Variants in ASB3 observed in about 807,000 individuals in gnomAD.
ASB3 encodes the protein ankyrin repeat and SOCS box protein 3.
In ASB3, 41 loss-of-function variants were observed where a neutral mutation model predicts 54.5. The observed-to-expected ratio is 0.75, with a 90% confidence interval of 0.59 to 0.98. The LOEUF is 0.98. Among genes scored for constraint, ASB3 ranks in the 50% least tolerant of loss-of-function variants. The pLI is 0.00. For missense variants in ASB3, 733 were observed against 620.0 expected (o/e 1.18, Z -1.94); for synonymous variants, 266 against 221.2 (o/e 1.20, Z -1.80).
At chr2:53,738,732 G>A (rs1022698911) in intron 3 of ASB3, among the ~76,000 whole-genome samples, 3 of 152,204 alleles carry the variant, frequency 2.0e-5, no homozygotes, top group African/African-American at 7.2e-5. Flanking sequence ...AAGATAAGGT[G>A]TAATTCTAGA....
intron 7 of ASB3, among the ~76,000 whole-genome samples, chr2:53,704,888 A>C (rs765297295): frequency 6.6e-6 from 1 of 152,164 alleles, no homozygotes; most frequent in Non-Finnish European, 1.5e-5. Flanking sequence ...AAACTCTCTA[A>C]TAAAGAACTC....
intron 9 of ASB3, among the ~76,000 whole-genome samples, chr2:53,690,415 T>C (rs1055324781): frequency 6.6e-6 from 1 of 152,176 alleles, no homozygotes; most frequent in African/African-American, 2.4e-5. Context: ...CACACTGTAA[T>C]GACTACGTAG....
In ASB3 at chr2:53,731,017, C is replaced by G. The variant is rs536119300; in HGVS notation, c.356-1447G>C. Among the ~76,000 whole-genome samples, 5 of 152,264 alleles carry G rather than the reference C, an allele frequency of 3.3e-5. No homozygotes were observed. The East Asian group carries it at 9.6e-4, about 29-fold the overall frequency. On this transcript the variant is annotated intron_variant, in intron 3 of 9. Coordinates refer to ENST00000263634, the MANE Select transcript of ASB3 (RefSeq NM_016115.5). ...TGATAAGCGTGCTTATTACTGAAGA[C>G]AAGTAACATGCCATTGATATTGTAC...
chr2:53,726,689 T>A (rs145624599), intron 5 of ASB3, among the ~76,000 whole-genome samples: 1 of 151,508 alleles, frequency 6.6e-6, no homozygotes, highest in Non-Finnish European at 1.5e-5. Context: ...CATATATATA[T>A]ATAGTTTTGT....
At chr2:53,734,143 A>G (rs1671482875) in intron 3 of ASB3, among the ~76,000 whole-genome samples, 2 of 152,244 alleles carry the variant, frequency 1.3e-5, no homozygotes, top group Middle Eastern at 3.4e-3. Flanking sequence ...CATCACAAAC[A>G]TGTCACAGTG....
At chr2:53,733,688 C>T (rs1379218731) in intron 3 of ASB3, among the ~76,000 whole-genome samples, 1 of 152,102 alleles carries the variant, frequency 6.6e-6, no homozygotes, top group East Asian at 1.9e-4. Context: ...ATAATCCGCC[C>T]ACCTTGGCCT....
intron 7 of ASB3, among the ~76,000 whole-genome samples, chr2:53,709,410 C>T (rs1298252059): frequency 6.6e-6 from 1 of 152,178 alleles, no homozygotes; most frequent in Non-Finnish European, 1.5e-5. Flanking sequence ...AGCCTAGATG[C>T]CCAGCATAAA....
intron 9 of ASB3, among the ~76,000 whole-genome samples, chr2:53,674,813 T>C (rs1667993276): frequency 6.6e-6 from 1 of 152,130 alleles, no homozygotes; most frequent in Admixed American, 6.6e-5. Context: ...TCTCTCTCAT[T>C]GACTATAACT....
chr2:53,781,497 A>AT (rs913325367), intron 1 of ASB3, among the ~76,000 whole-genome samples: 110 of 146,292 alleles, frequency 7.5e-4, no homozygotes, highest in Middle Eastern at 3.6e-3. Context: ...GATTCTTTCC[A>AT]TTTTTTTTTT....
chr2:53,712,751 C>A (rs990580321), intron 7 of ASB3, among the ~76,000 whole-genome samples: 3 of 151,834 alleles, frequency 2.0e-5, no homozygotes, highest in Admixed American at 6.6e-5. Context: ...ATTGAACACA[C>A]ACACACACAC....
intron 2 of ASB3, among the ~76,000 whole-genome samples, chr2:53,753,310 C>A (rs140784164): frequency 6.6e-6 from 1 of 152,264 alleles, no homozygotes; most frequent in South Asian, 2.1e-4. Flanking sequence ...TCTGAAACCA[C>A]TCTACATGAA....
chr2:53,693,225 A>G (rs1245235286), intron 9 of ASB3, among the ~76,000 whole-genome samples: 4 of 152,210 alleles, frequency 2.6e-5, no homozygotes, highest in African/African-American at 9.6e-5. Flanking sequence ...GATACTTTGC[A>G]TATGTTATGT....
chr2:53,735,576 G>A (rs555896069), intron 3 of ASB3, among the ~76,000 whole-genome samples: 3 of 148,906 alleles, frequency 2.0e-5, no homozygotes, highest in South Asian at 4.2e-4. Flanking sequence ...ACAATCTAAC[G>A]ATTCAATGTG....
At chr2:53,763,206 CAGTT>C (rs1388101392) in intron 2 of ASB3, among the ~76,000 whole-genome samples, 2 of 152,122 alleles carry the variant, frequency 1.3e-5, no homozygotes, top group Admixed American at 6.5e-5. Context: ...CAAAGTGAGA[CAGTT>C]AGCCAGGCAT....
intron 3 of ASB3, among the ~76,000 whole-genome samples, chr2:53,740,057 A>G (rs1233980403): frequency 6.6e-6 from 1 of 152,186 alleles, no homozygotes; most frequent in Non-Finnish European, 1.5e-5. Context: ...AAGTTTAACC[A>G]CAGGCTGTCC....
chr2:53,762,373 C>T (rs1673193010), intron 2 of ASB3, among the ~76,000 whole-genome samples: 1 of 152,180 alleles, frequency 6.6e-6, no homozygotes, highest in Non-Finnish European at 1.5e-5. Context: ...AAAAACCTGT[C>T]CAAAGTCACA....
chr2:53,725,019 G>A (rs1670916173), intron 5 of ASB3, among the ~76,000 whole-genome samples: 1 of 152,064 alleles, frequency 6.6e-6, no homozygotes, highest in Admixed American at 6.6e-5. Flanking sequence ...CAAAGACATG[G>A]AATCAACCTA....
chr2:53,731,094 C>G (rs1393764733), intron 3 of ASB3, among the ~76,000 whole-genome samples: 1 of 152,162 alleles, frequency 6.6e-6, no homozygotes, highest in Non-Finnish European at 1.5e-5. Flanking sequence ...ATAAGACACT[C>G]AGAAGTTCTT....
chr2:53,784,892 C>A (rs992418469), intron 1 of ASB3, among the ~76,000 whole-genome samples: 1 of 152,186 alleles, frequency 6.6e-6, no homozygotes, highest in Non-Finnish European at 1.5e-5. Flanking sequence ...CCCCTACAAT[C>A]AATTTTCCAC....
Sources: gnomAD v4.1 joint callset for allele counts (sites outside exome capture counted in the v4.1 genomes callset) on GRCh38, gnomAD v4.1.1 for gene constraint, MANE v1.5 for transcripts, NCBI Gene and HGNC (gene_info 2026-07-23, HGNC 2026-07-21) for gene names.